The following DRP2 variants were observed in gnomAD, a reference collection of about 807,000 sequenced individuals.
The protein encoded by DRP2 is dystrophin related protein 2, also known as dystrophin-related protein 2.
DRP2 carries 29 observed loss-of-function variants against 78.2 expected under a neutral mutation model. The ratio of observed to expected loss-of-function variants is 0.37; its 90% CI spans 0.28 to 0.51. DRP2 has a LOEUF of 0.51. Ranked by LOEUF, DRP2 falls within the 20% of genes least tolerant of loss-of-function variation. DRP2 has a pLI of 0.94. For missense variants in DRP2, 686 were observed against 770.6 expected, an observed-to-expected ratio of 0.89 and a Z score of 1.30; for synonymous variants, 290 against 281.9, an observed-to-expected ratio of 1.03 and a Z score of -0.29.
At position 101,256,218 on chromosome X, in the gene DRP2, G is replaced by T; in HGVS notation, c.2347G>T (p.Gly783Trp). The T allele has an allele frequency of 1.7e-6, 2 of 1,205,698 alleles. No individual in the cohort carries two copies. Among genetic ancestry groups the T allele is most frequent in the Non-Finnish European group, 2.2e-6 (2 of 893,040 alleles). The part of the protein sequence containing the change: ...APCSVATESK[G>W]ELQKILAHLE... ...ATGCAGTGTGGCCACAGAAAGCAAA[G>T]GGGAGCTACAGAAGATCCTGGCCCA... Residue 783 changes from glycine (G) to tryptophan (W), a missense_variant, in exon 21 of 24, where the codon GGG (glycine) becomes TGG (tryptophan). This residue lies in a region of DRP2 where 423 missense variants were observed against 531.5 expected (regional missense o/e 0.80). Transcript: ENST00000395209.
At chrX:101,259,901 C>A in intron 22 of DRP2, 148 bp from the exon 23 acceptor site, 1 of 681,766 alleles carries the variant, frequency 1.5e-6, no homozygotes, top group Non-Finnish European at 2.2e-6. Flanking sequence ...AAAGTGGAAG[C>A]CACTGTTTTA....
At chrX:101,247,989 G>T in intron 12 of DRP2, 100 bp from the exon 13 acceptor site, 2 of 736,062 alleles carry the variant, frequency 2.7e-6, no homozygotes, top group East Asian at 3.3e-5. Flanking sequence ...TCTGGAGATT[G>T]AGTCAAATTT....
Position 101,254,616 on chromosome X carries a change from A to G in DRP2, c.2114+55A>G, listed in dbSNP as rs973732744. 6 of 1,201,869 alleles carry G rather than the reference A, an allele frequency of 5.0e-6. No individual in the cohort carries two copies. The African/African-American group carries it at 1.1e-4, about 21-fold the overall frequency. Reference sequence around the variant, plus strand: ...GGGCAGCCTCACTGAGCCCGATCGTATGCTGTGAAGGGGCTGAGTCCCGAG... The same window carrying G: ...GGGCAGCCTCACTGAGCCCGATCGTGTGCTGTGAAGGGGCTGAGTCCCGAG... On this transcript the variant is annotated intron_variant, in intron 18 of 23. Coordinates refer to ENST00000395209, the MANE Select transcript of DRP2 (RefSeq NM_001939.3).
At chrX:101,246,989 A>G in intron 11 of DRP2, 101 bp from the exon 12 acceptor site, 2 of 630,952 alleles carry the variant, frequency 3.2e-6, no homozygotes, top group Non-Finnish European at 4.9e-6. Flanking sequence ...CTATTGTCAG[A>G]CATCTATTGG....
chrX:101,227,191 T>G (rs1174328041), intron 2 of DRP2, among the ~76,000 whole-genome samples: 1 of 112,117 alleles, frequency 8.9e-6, no homozygotes, highest in Non-Finnish European at 1.9e-5. Context: ...CTCTCAATAC[T>G]GTCACATTGG....
chrX:101,241,671 C>T lies in DRP2; in HGVS notation c.563C>T (p.Thr188Ile). ...GGCTTCCTGCCTCCTCTTGCAGATA[C>T]CTCCCCGAAACAGCGGATCCAGAAT... ...LEEPHSESKD[T>I]SPKQRIQNLS... The change falls in exon 7 of 24, where the codon ACC becomes ATC. Residue 188 changes from threonine to isoleucine, a missense_variant. Around this residue, in one of 2 missense-constraint regions of DRP2, gnomAD observed 263 missense variants for 239.1 expected, o/e 1.10. Transcript: ENST00000395209. The T allele has an allele frequency of 8.3e-7, 1 of 1,210,193 alleles. No individual in the cohort carries two copies.
At position 101,242,942 on chromosome X, in the gene DRP2, C is replaced by T; in HGVS notation, c.1014C>T (p.Ala338=). Residue 338 remains alanine, a synonymous_variant, in exon 9 of 24, where the codon GCC becomes GCT. Transcript: ENST00000395209. ...AGAGGCTTAAGCAGCTCCAGGATGC[C>T]CACCGGGACTTTGGGCCTGGGTCAC... The part of the protein sequence containing the change: ...VSERLKQLQD[A]HRDFGPGSQH... 8.3e-7 allele frequency: 1 copy of T among 1,210,992 alleles called. No homozygotes were observed.
intron 14 of DRP2, among the ~76,000 whole-genome samples, chrX:101,249,134 G>A (rs991635461): frequency 7.1e-5 from 8 of 112,230 alleles, no homozygotes; most frequent in African/African-American, 2.6e-4. Flanking sequence ...GTAGCAGCAT[G>A]ATTAGTTGTT....
At chrX:101,237,994 G>A (rs769249602) in intron 5 of DRP2, among the ~76,000 whole-genome samples, 2 of 111,916 alleles carry the variant, frequency 1.8e-5, no homozygotes, top group African/African-American at 6.5e-5. Context: ...ATACTGCCAT[G>A]ATTTTTAATG....
At chrX:101,255,352 G>A in intron 20 of DRP2, 103 bp downstream of exon 20, 2 of 861,195 alleles carry the variant, frequency 2.3e-6, no homozygotes, top group Non-Finnish European at 3.3e-6. Flanking sequence ...GGTGTGTGGT[G>A]GTTAGGATCC....
At chrX:101,238,615 C>T (rs918772828) in intron 5 of DRP2, among the ~76,000 whole-genome samples, 8 of 110,806 alleles carry the variant, frequency 7.2e-5, no homozygotes, top group African/African-American at 2.6e-4. Context: ...TTGTGTATCC[C>T]GTATATATTT....
In DRP2 at chrX:101,250,286, C is replaced by T. The variant is rs1254028680; in HGVS notation, c.1541-137C>T. ...CGGCTACTAGAAGGTCAGGGATAGA[C>T]CTCTATGTAGTCCAGTTTGAAAAGT... On this transcript the variant is annotated intron_variant, in intron 14 of 23. Transcript: ENST00000395209. The T allele has an allele frequency of 1.2e-5, 10 of 859,249 alleles. No individual in the cohort carries two copies. In the Admixed American group the frequency reaches 2.0e-4, roughly 17 times the overall value. The allele number at this position is 859,249 out of a possible 1,213,427, so 70.8% of individuals were successfully genotyped here.
At chrX:101,257,531 G>A (rs982533422) in intron 21 of DRP2, among the ~76,000 whole-genome samples, 8 of 109,214 alleles carry the variant, frequency 7.3e-5, no homozygotes, top group African/African-American at 2.3e-4. Flanking sequence ...GGCTCATCTC[G>A]TTGAATAGGG....
intron 5 of DRP2, among the ~76,000 whole-genome samples, 195 bp downstream of exon 5, chrX:101,237,970 T>C (rs1411376315): frequency 8.9e-6 from 1 of 111,889 alleles, no homozygotes; most frequent in Non-Finnish European, 1.9e-5. Flanking sequence ...CATCAAATTC[T>C]AGCCTCCCTT....
chrX:101,242,804 CA>C (rs1602923331), intron 8 of DRP2, 99 bp from the exon 9 acceptor site: 42 of 819,711 alleles, frequency 5.1e-5, no homozygotes, highest in Non-Finnish European at 7.1e-5. Context: ...AGAGAAAAGC[CA>C]GTCCCTGAGG....
At chrX:101,253,795 A>G (rs1209223241) in intron 17 of DRP2, among the ~76,000 whole-genome samples, 1 of 110,382 alleles carries the variant, frequency 9.1e-6, no homozygotes, top group Non-Finnish European at 1.9e-5. Context: ...CATGCCCTTT[A>G]CTTTTCATTT....
At chrX:101,245,654 A>C (rs1922908578) in intron 11 of DRP2, among the ~76,000 whole-genome samples, 1 of 112,271 alleles carries the variant, frequency 8.9e-6, no homozygotes, top group African/African-American at 3.2e-5. Flanking sequence ...ATAAGCCAGA[A>C]ACAAAAGGCA....
Position 101,260,159 on chromosome X carries a change from C to G in DRP2, c.2739C>G (p.Thr913=). The G allele has an allele frequency of 8.3e-7, 1 of 1,211,264 alleles. No individual in the cohort carries two copies. Among genetic ancestry groups the G allele is most frequent in the Non-Finnish European group, 1.1e-6 (1 of 895,328 alleles). Residue 913 remains threonine, a synonymous_variant, in exon 23 of 24, where the codon ACC becomes ACG. Coordinates refer to ENST00000395209, the MANE Select transcript of DRP2 (RefSeq NM_001939.3). ...AGAAGGGACAGACTACTCCAGATAC[C>G]GAGGCTGCAGGTGAGTTCCCCTGGC... is the stretch of plus-strand genomic sequence containing the variant. ...PREKGQTTPD[T]EAADDVGSKS...
chrX:101,250,398 C>A (rs773383286), intron 14 of DRP2, 25 bp from the exon 15 acceptor site: 149 of 1,208,987 alleles, frequency 1.2e-4, no homozygotes, highest in Non-Finnish European at 1.0e-5. Context: ...TCGGGGTTGG[C>A]CATTCTTGAC....
Sources: gnomAD v4.1 joint callset for allele counts (sites outside exome capture counted in the v4.1 genomes callset) on GRCh38, gnomAD v4.1.1 for gene constraint, gnomAD v4.1.1 regional missense constraint, MANE v1.5 for transcripts, NCBI Gene and HGNC (gene_info 2026-07-23, HGNC 2026-07-21) for gene names.